Variants in PSMD11 observed in about 807,000 individuals in gnomAD.
PSMD11 encodes 26S proteasome non-ATPase regulatory subunit 11.
Under a neutral mutation model 62.3 loss-of-function variants are expected in PSMD11, and 5 were observed. The ratio of observed to expected loss-of-function variants is 0.08; its 90% CI spans 0.04 to 0.17. The LOEUF (loss-of-function observed/expected upper bound fraction) is 0.17. Ranked by LOEUF, PSMD11 falls within the 10% of genes least tolerant of loss-of-function variation. PSMD11 has a pLI of 1.00. For synonymous variants in PSMD11, 191 were observed against 191.8 expected, an observed-to-expected ratio of 1.00 and a Z score of 0.03; for missense variants, 310 against 512.9, an observed-to-expected ratio of 0.60 and a Z score of 3.82.
intron 1 of PSMD11, chr17:32,446,185 A>T (rs1308778939): frequency 6.6e-6 from 1 of 152,186 alleles, no homozygotes; most frequent in East Asian, 1.9e-4. Flanking sequence ...GGACTCCATC[A>T]TGGTTTTTGT....
chr17:32,464,123 A>G lies in PSMD11; in HGVS notation c.390+3A>G, dbSNP rs774619995. The stretch of plus-strand genomic sequence containing the variant: ...CTTTCTTACGCCAAGCTTTGGAGGT[A>G]GGTTTTACATTAGTACTCATTTCAG... On this transcript the variant is annotated splice_donor_region_variant and intron_variant, in intron 4 of 13. Transcript: ENST00000261712. 2.7e-5 allele frequency: 44 copies of G among 1,611,734 alleles called. 1 individual carries two copies. In the South Asian group the frequency reaches 4.6e-4, roughly 17 times the overall value.
intron 3 of PSMD11, among the ~76,000 whole-genome samples, chr17:32,457,034 C>T (rs368705515): frequency 6.6e-6 from 1 of 152,286 alleles, no homozygotes; most frequent in African/African-American, 2.4e-5. Context: ...TGCTATAGTT[C>T]GCTAGTAGGA....
chr17:32,481,368 AG>A lies in PSMD11; in HGVS notation c.*617del. The A allele has an allele frequency of 6.2e-6, 1 of 161,462 alleles. No homozygotes were observed. The highest frequency in any genetic ancestry group is 1.4e-5 in the Non-Finnish European group (1 of 73,136). The allele number at this position is 161,462 out of a possible 1,614,324, so 10.0% of individuals were successfully genotyped here. ...CCACCACCACTGCAGCAACAACAGC[AG>A]CAGCAGCAGCAGCGCCTGCATAGCT... On this transcript the variant is annotated 3_prime_UTR_variant, in exon 14 of 14. Coordinates refer to ENST00000261712, the MANE Select transcript of PSMD11 (RefSeq NM_002815.4).
intron 3 of PSMD11, among the ~76,000 whole-genome samples, chr17:32,455,285 AGTT>A (rs1193698923): frequency 6.6e-6 from 1 of 152,332 alleles, no homozygotes; most frequent in Admixed American, 6.5e-5. Context: ...GGAAGAATAT[AGTT>A]GTTGTTTTTC....
chr17:32,475,502 C>CT (rs1404541786), intron 8 of PSMD11, among the ~76,000 whole-genome samples: 7 of 151,868 alleles, frequency 4.6e-5, no homozygotes, highest in African/African-American at 1.7e-4. Context: ...GCAGTGGTCT[C>CT]TAAACACAGA....
intron 8 of PSMD11, chr17:32,476,562 C>T (rs1301712274): frequency 4.6e-5 from 7 of 152,226 alleles, no homozygotes; most frequent in African/African-American, 7.2e-5. Context: ...AGAGCAGCTT[C>T]TCTTAGTCCC....
chr17:32,465,982 A>C (rs533391092), intron 5 of PSMD11, among the ~76,000 whole-genome samples: 117 of 152,278 alleles, frequency 7.7e-4, no homozygotes, highest in Non-Finnish European at 1.4e-3. Flanking sequence ...CTCCAAAAAA[A>C]GAAAAAAATT....
In PSMD11 at chr17:32,480,640, T is replaced by A; in HGVS notation, c.*9T>A. ...CCAAGAAACTGACATAGGTGAGTGC[T>A]GGCTTCAGGACCCCAGGGCTGGGCA... On this transcript the variant is annotated intron_variant, in intron 13 of 13. Transcript: ENST00000261712. 6.2e-7 allele frequency: 1 copy of A among 1,614,108 alleles called. No homozygotes were observed. The highest frequency in any genetic ancestry group is 8.5e-7 in the Non-Finnish European group (1 of 1,179,984).
chr17:32,480,227 T>C (rs1908448842), intron 12 of PSMD11, 30 bp downstream of exon 12: 1 of 1,596,562 alleles, frequency 6.3e-7, no homozygotes, highest in Non-Finnish European at 8.6e-7. Flanking sequence ...GCAAGGGGGC[T>C]GGTGGTGGTG....
chr17:32,473,829 C>T lies in PSMD11; in HGVS notation c.672C>T (p.Asp224=). 6.2e-7 allele frequency: 1 copy of T among 1,613,886 alleles called. No homozygotes were observed. Among genetic ancestry groups the T allele is most frequent in the Non-Finnish European group, 8.5e-7 (1 of 1,179,782 alleles). The part of the protein sequence containing the change: ...SGIIHAAEEK[D]WKTAYSYFYE... Reference sequence around the variant, plus strand: ...TTATCCATGCAGCAGAAGAGAAGGACTGGAAAACTGCGTACTCATACTTCT... The same window carrying T: ...TTATCCATGCAGCAGAAGAGAAGGATTGGAAAACTGCGTACTCATACTTCT... The change falls in exon 7 of 14, where the codon GAC becomes GAT. Residue 224 remains aspartate, a synonymous_variant. Coordinates refer to ENST00000261712, the MANE Select transcript of PSMD11 (RefSeq NM_002815.4).
chr17:32,450,422 ATTTTTTTTTT>A (rs58292122), intron 2 of PSMD11, among the ~76,000 whole-genome samples: 5 of 129,538 alleles, frequency 3.9e-5, no homozygotes, highest in Admixed American at 8.0e-5. Context: ...TGCTCGGCTA[ATTTTTTTTTT>A]TTTTTTTTTC....
Position 32,473,925 on chromosome 17 carries a change from G to A in PSMD11, c.768G>A (p.Leu256=), listed in dbSNP as rs1333417169. The change falls in exon 7 of 14, where the codon CTG becomes CTA. Residue 256 remains leucine, a synonymous_variant. Coordinates refer to ENST00000261712, the MANE Select transcript of PSMD11 (RefSeq NM_002815.4). ...TCACATCTCTGAAGTACATGTTGCT[G>A]TGCAAAATCATGCTCAACACGTAGG... ...KAITSLKYML[L]CKIMLNTPED... The A allele has an allele frequency of 6.2e-7, 1 of 1,614,168 alleles. No individual in the cohort carries two copies. Among genetic ancestry groups the A allele is most frequent in the Non-Finnish European group, 8.5e-7 (1 of 1,180,026 alleles).
At chr17:32,470,336 CTTGTT>C (rs1379457369) in intron 6 of PSMD11, among the ~76,000 whole-genome samples, 1 of 149,688 alleles carries the variant, frequency 6.7e-6, no homozygotes, top group Non-Finnish European at 1.5e-5. Flanking sequence ...GAGATGGGGT[CTTGTT>C]TTGTTCAGCC....
chr17:32,479,201 A>G (rs1180644506), intron 9 of PSMD11, 50 bp from the exon 10 acceptor site: 1 of 1,602,292 alleles, frequency 6.2e-7, no homozygotes, highest in African/African-American at 1.3e-5. Context: ...GAGTAGCATG[A>G]CTTTAAAGTG....
At chr17:32,477,366 C>T (rs572084820) in intron 8 of PSMD11, 155 bp from the exon 9 acceptor site, 8 of 527,546 alleles carry the variant, frequency 1.5e-5, no homozygotes, top group East Asian at 3.1e-5. Flanking sequence ...TCAGTACTTG[C>T]GGCTCTTCTT....
chr17:32,471,860 T>C (rs1383680574), intron 6 of PSMD11, among the ~76,000 whole-genome samples: 1 of 152,082 alleles, frequency 6.6e-6, no homozygotes, highest in Non-Finnish European at 1.5e-5. Context: ...TTGCTGACTA[T>C]GGTGACTTTG....
rs1188805142 is a variant in PSMD11 at position 32,480,794 on chromosome 17, G to A, written c.*42G>A. 5.4e-6 allele frequency: 4 copies of A among 735,716 alleles called. No individual in the cohort carries two copies. Among genetic ancestry groups the A allele is most frequent in the Non-Finnish European group, 8.2e-6 (4 of 485,260 alleles). 45.6% of individuals were successfully genotyped at this position (735,716 alleles called of 1,614,324 possible). The stretch of plus-strand genomic sequence containing the variant: ...GTCCTTTGGAGAGTGTGTGTGGCGG[G>A]AGAGTGAAACCTTGGGGGAAAATGC... On this transcript the variant is annotated 3_prime_UTR_variant, in exon 14 of 14. Coordinates refer to ENST00000261712, the MANE Select transcript of PSMD11 (RefSeq NM_002815.4).
At chr17:32,451,717 TCAC>T (rs1907504692) in intron 2 of PSMD11, among the ~76,000 whole-genome samples, 2 of 152,164 alleles carry the variant, frequency 1.3e-5, no homozygotes, top group Admixed American at 6.5e-5. Flanking sequence ...TATTCCAAAT[TCAC>T]CTTAGTTCTC....
chr17:32,458,174 C>T (rs902991776), intron 3 of PSMD11, among the ~76,000 whole-genome samples: 2 of 152,116 alleles, frequency 1.3e-5, no homozygotes, highest in African/African-American at 4.8e-5. Flanking sequence ...AAGCCTCATT[C>T]CATCATTGTC....
Sources: gnomAD v4.1 joint callset for allele counts (sites outside exome capture counted in the v4.1 genomes callset) on GRCh38, gnomAD v4.1.1 for gene constraint, MANE v1.5 for transcripts, NCBI Gene and HGNC (gene_info 2026-07-23, HGNC 2026-07-21) for gene names.